The following STAT3 variants were observed in gnomAD, a reference collection of about 807,000 sequenced individuals.
STAT3 encodes the protein DNA-binding protein APRF.
Under a neutral mutation model 114.3 loss-of-function variants are expected in STAT3, and 7 were observed. The observed-to-expected ratio is 0.06, with a 90% CI of 0.03 to 0.11. The LOEUF is 0.11. STAT3 is among the 10% of genes least tolerant of loss of function. STAT3 has a pLI of 1.00. For synonymous variants in STAT3, 331 were observed against 354.5 expected, an observed-to-expected ratio of 0.93 and a Z score of 0.74; for missense variants, 364 against 960.9, an observed-to-expected ratio of 0.38 and a Z score of 8.21.
chr17:42,373,147 C>T (rs1405744345), intron 1 of STAT3, among the ~76,000 whole-genome samples: 2 of 151,960 alleles, frequency 1.3e-5, no homozygotes, highest in Non-Finnish European at 1.5e-5. Flanking sequence ...GTCAAGAGAT[C>T]GAGACATCCT....
intron 1 of STAT3, among the ~76,000 whole-genome samples, chr17:42,353,603 C>T (rs1341262698): frequency 2.0e-5 from 3 of 152,042 alleles, no homozygotes; most frequent in Non-Finnish European, 4.4e-5. Flanking sequence ...GAGACAGGGT[C>T]TCTCTCTGTC....
At chr17:42,320,727 TAAAA>T (rs756271214) in intron 21 of STAT3, among the ~76,000 whole-genome samples, 1 of 60,090 alleles carries the variant, frequency 1.7e-5, no homozygotes, top group Non-Finnish European at 3.3e-5. Flanking sequence ...AGACTTAGTC[TAAAA>T]AAAAAAAAAA....
At chr17:42,366,531 T>C (rs1001515265) in intron 1 of STAT3, among the ~76,000 whole-genome samples, 9 of 151,742 alleles carry the variant, frequency 5.9e-5, no homozygotes, top group African/African-American at 1.5e-4. Flanking sequence ...ATTAGCCGGA[T>C]ATAGTGGCGC....
In STAT3 at chr17:42,329,667, T is replaced by TC; in HGVS notation, c.1140-21dup. The TC allele has an allele frequency of 6.2e-7, 1 of 1,614,130 alleles. No individual in the cohort carries two copies. Among genetic ancestry groups the TC allele is most frequent in the Non-Finnish European group, 8.5e-7 (1 of 1,179,960 alleles). ...CGGGATCTGAATCACAGGGGAACAA[T>TC]CAACTATGTAGGTGACCAAGTAGCC... On this transcript the variant is annotated intron_variant, in intron 12 of 23. Coordinates refer to ENST00000264657, the MANE Select transcript of STAT3 (RefSeq NM_139276.3).
intron 10 of STAT3, among the ~76,000 whole-genome samples, chr17:42,332,537 CAAAAAA>C (rs759010924): frequency 7.4e-5 from 3 of 40,784 alleles, no homozygotes; most frequent in African/African-American, 1.9e-4. Flanking sequence ...GACTCCATCT[CAAAAAA>C]AAAAAAAAAA....
At chr17:42,371,125 C>T (rs898913062) in intron 1 of STAT3, among the ~76,000 whole-genome samples, 3 of 152,116 alleles carry the variant, frequency 2.0e-5, no homozygotes, top group African/African-American at 7.2e-5. Flanking sequence ...TCCTAGATTT[C>T]TGGCTTGCAC....
At chr17:42,358,933 C>CTCTTTTTTT (rs2083366560) in intron 1 of STAT3, among the ~76,000 whole-genome samples, 1 of 100,500 alleles carries the variant, frequency 1.0e-5, no homozygotes, top group African/African-American at 3.9e-5. Context: ...ACATTTCTTA[C>CTCTTTTTTT]TTTTTTTTTT....
intron 1 of STAT3, among the ~76,000 whole-genome samples, chr17:42,349,121 C>T (rs1243145133): frequency 1.3e-5 from 2 of 152,186 alleles, no homozygotes; most frequent in African/African-American, 4.8e-5. Context: ...GCCTCGGCTT[C>T]CCAAAGTGCT....
At chr17:42,317,104 TC>T (rs1182754277) in intron 22 of STAT3, 77 bp downstream of exon 22, 32 of 1,604,706 alleles carry the variant, frequency 2.0e-5, no homozygotes, top group Non-Finnish European at 2.3e-5. Context: ...GCAGATTAAC[TC>T]TCACCCAGTG....
intron 14 of STAT3, among the ~76,000 whole-genome samples, chr17:42,329,078 C>A (rs1003094845): frequency 6.6e-6 from 1 of 152,144 alleles, no homozygotes; most frequent in Non-Finnish European, 1.5e-5. Flanking sequence ...CAGGGTCAGC[C>A]GCAGGAGCTG....
intron 8 of STAT3, 42 bp from the exon 9 acceptor site, chr17:42,334,091 G>A: frequency 1.2e-6 from 2 of 1,610,450 alleles, no homozygotes. Context: ...CAAAGTGAAT[G>A]TATACAGGTG....
chr17:42,348,566 A>G (rs2082800025), intron 1 of STAT3, 27 bp from the exon 2 acceptor site: 1 of 1,611,490 alleles, frequency 6.2e-7, no homozygotes, highest in African/African-American at 1.3e-5. Context: ...GCATATGTTC[A>G]CCACAAGTCC....
chr17:42,342,966 ACCAG>A (rs2082509060), intron 4 of STAT3, among the ~76,000 whole-genome samples: 1 of 150,010 alleles, frequency 6.7e-6, no homozygotes, highest in African/African-American at 2.5e-5. Context: ...GGAGTTCAAC[ACCAG>A]CCTGGGAAAC....
At chr17:42,370,129 C>A (rs1198854497) in intron 1 of STAT3, among the ~76,000 whole-genome samples, 2 of 151,972 alleles carry the variant, frequency 1.3e-5, no homozygotes, top group African/African-American at 4.8e-5. Context: ...ACCACCATGC[C>A]CAGCTAACTT....
At chr17:42,383,862 A>G (rs2084935149) in intron 1 of STAT3, among the ~76,000 whole-genome samples, 1 of 152,220 alleles carries the variant, frequency 6.6e-6, no homozygotes, top group Admixed American at 6.5e-5. Context: ...TTTGTATCCA[A>G]TCAAAAATCC....
In STAT3 at chr17:42,324,281, T is replaced by G. The variant is rs1461577516; in HGVS notation, c.1600+430A>C. 1.3e-5 allele frequency among the ~76,000 whole-genome samples: 2 copies of G among 151,928 alleles called. No individual in the cohort carries two copies. Among genetic ancestry groups the G allele is most frequent in the Admixed American group, 1.3e-4 (2 of 15,218 alleles). ...TTGCAGTGAGCCGAGATCACACTAC[T>G]GCACTCCAGCCTGGGCAACAGAGCA... On this transcript the variant is annotated intron_variant, in intron 17 of 23. Transcript: ENST00000264657. The surrounding 1 kb of genome is among the most constrained non-coding windows in gnomAD (Gnocchi z 4.5).
chr17:42,332,824 G>C lies in STAT3; in HGVS notation c.1049+849C>G, dbSNP rs564734457. ...CACGCACTCTGGCCTGGCCGAAAGA[G>C]CGAGACTCTGTCTCAAAAAAAAAAA... is the stretch of plus-strand genomic sequence containing the variant. On this transcript the variant is annotated intron_variant, in intron 10 of 23. Transcript: ENST00000264657. Among the ~76,000 whole-genome samples, 34 of 151,742 alleles carry C rather than the reference G, an allele frequency of 2.2e-4. No individual in the cohort carries two copies. The East Asian group carries it at 5.1e-3, about 23-fold the overall frequency.
At chr17:42,343,729 A>G (rs2082561306) in intron 4 of STAT3, among the ~76,000 whole-genome samples, 1 of 152,142 alleles carries the variant, frequency 6.6e-6, no homozygotes, top group Non-Finnish European at 1.5e-5. Context: ...CTTGGATTAC[A>G]GGCGTGAGAC....
At chr17:42,339,093 T>A (rs892930171) in intron 5 of STAT3, among the ~76,000 whole-genome samples, 3 of 145,320 alleles carry the variant, frequency 2.1e-5, no homozygotes, top group African/African-American at 5.0e-5. Flanking sequence ...TCTCTACAAA[T>A]TTTTTTTTTT....
Sources: allele counts gnomAD v4.1 joint callset (sites outside exome capture counted in the v4.1 genomes callset), GRCh38; gene constraint gnomAD v4.1.1; non-coding constraint Gnocchi (gnomAD v3.1); transcripts MANE v1.5; gene names NCBI Gene and HGNC (gene_info 2026-07-23, HGNC 2026-07-21).